The following FKBP5 variants were observed in gnomAD, a reference collection of about 807,000 sequenced individuals.
FKBP5 encodes the protein peptidyl-prolyl cis-trans isomerase FKBP5.
Under a neutral mutation model 50.5 loss-of-function variants are expected in FKBP5, and 23 were observed. The ratio of observed to expected loss-of-function variants is 0.46; its 90% CI spans 0.33 to 0.65. The LOEUF (loss-of-function observed/expected upper bound fraction) is 0.65, where lower values mean the gene tolerates loss of function less well. Ranked by LOEUF, FKBP5 falls within the 30% of genes least tolerant of loss-of-function variation. The pLI is 0.02. For synonymous variants in FKBP5, 176 were observed against 190.6 expected (o/e 0.92, Z 0.63); for missense variants, 411 against 553.1 (o/e 0.74, Z 2.58).
chr6:35,681,158 T>A (rs1765652120), intron 1 of FKBP5, among the ~76,000 whole-genome samples: 1 of 152,226 alleles, frequency 6.6e-6, no homozygotes, highest in African/African-American at 2.4e-5. Flanking sequence ...ACACTTTTTT[T>A]AGCTTTCTTT....
At chr6:35,613,805 A>T (rs922858852) in intron 5 of FKBP5, among the ~76,000 whole-genome samples, 1 of 152,212 alleles carries the variant, frequency 6.6e-6, no homozygotes, top group African/African-American at 2.4e-5. Context: ...GAAAAAGTAA[A>T]ATCAACCATT....
intron 5 of FKBP5, among the ~76,000 whole-genome samples, chr6:35,614,095 T>C (rs753297167): frequency 1.1e-4 from 16 of 152,172 alleles, no homozygotes; most frequent in Non-Finnish European, 1.8e-4. Flanking sequence ...AAGGTCTCTA[T>C]GTTGCTCAGG....
intron 5 of FKBP5, among the ~76,000 whole-genome samples, chr6:35,616,314 C>CAAAA (rs34779549): frequency 1.4e-4 from 8 of 57,454 alleles, no homozygotes; most frequent in South Asian, 8.8e-4. Context: ...GACTCCATCT[C>CAAAA]AAAAAAAAAA....
chr6:35,580,859 A>G, intron 8 of FKBP5: 2 of 985,276 alleles, frequency 2.0e-6, no homozygotes, highest in Non-Finnish European at 2.4e-6. Context: ...AGTCTTTCAA[A>G]AGGATTGTGA....
intron 1 of FKBP5, chr6:35,651,845 T>C: frequency 1.2e-6 from 1 of 867,140 alleles, no homozygotes; most frequent in Non-Finnish European, 1.6e-6. Flanking sequence ...TTGTTTAACT[T>C]GTGGACAAAG....
chr6:35,588,736 G>A (rs1013964415), intron 7 of FKBP5, among the ~76,000 whole-genome samples: 5 of 151,474 alleles, frequency 3.3e-5, no homozygotes, highest in African/African-American at 1.2e-4. Context: ...GAGTAGTTGG[G>A]ACCACAAGCA....
intron 1 of FKBP5, among the ~76,000 whole-genome samples, chr6:35,720,863 G>A (rs1027661685): frequency 6.6e-6 from 1 of 152,134 alleles, no homozygotes; most frequent in Non-Finnish European, 1.5e-5. Context: ...TGATGTGGAT[G>A]ATCTCATTTA....
chr6:35,619,085 T>C lies in FKBP5; in HGVS notation c.508+11A>G. The C allele has an allele frequency of 6.3e-7, 1 of 1,586,914 alleles. No individual in the cohort carries two copies. The highest frequency in any genetic ancestry group is 8.7e-7 in the Non-Finnish European group (1 of 1,155,998). ...TTTTAAGGACTAGTTCCCTCTTACT[T>C]TAATACTTACTTTCTACTGTTGCTC... On this transcript the variant is annotated intron_variant, in intron 5 of 10. Coordinates refer to ENST00000357266, the MANE Select transcript of FKBP5 (RefSeq NM_004117.4).
At chr6:35,588,395 A>T (rs1762680918) in intron 7 of FKBP5, among the ~76,000 whole-genome samples, 1 of 152,098 alleles carries the variant, frequency 6.6e-6, no homozygotes. Flanking sequence ...CTTCCTAATA[A>T]TGTAGCTCAA....
chr6:35,619,355 G>C, intron 4 of FKBP5, 145 bp from the exon 5 acceptor site: 1 of 457,724 alleles, frequency 2.2e-6, no homozygotes. Context: ...TTAATTATTG[G>C]AAAAGTAGCA....
At chr6:35,626,901 C>T (rs1764015626) in intron 3 of FKBP5, among the ~76,000 whole-genome samples, 1 of 152,170 alleles carries the variant, frequency 6.6e-6, no homozygotes, top group African/African-American at 2.4e-5. Flanking sequence ...GAGTTGCTTC[C>T]ACCTTTTGGT....
chr6:35,641,184 T>C (rs1489485910), intron 2 of FKBP5, among the ~76,000 whole-genome samples: 4 of 152,112 alleles, frequency 2.6e-5, no homozygotes, highest in Non-Finnish European at 5.9e-5. Flanking sequence ...GGTCTTACTA[T>C]GTTGCCCAGG....
At position 35,707,215 on chromosome 6, in the gene FKBP5, C is replaced by CTTTTTT. The variant is rs34841223; in HGVS notation, c.-20+13107_-20+13112dup. 1.1e-4 allele frequency among the ~76,000 whole-genome samples: 13 copies of CTTTTTT among 116,880 alleles called. 1 individual carries two copies. The highest frequency in any genetic ancestry group is 1.3e-4 in the Non-Finnish European group (8 of 60,182). 76.7% of individuals were successfully genotyped at this position (116,880 alleles called of 152,430 possible). A position where few individuals can be genotyped will look rare whatever the true frequency, so the allele number is the denominator to read the frequency against. On this transcript the variant is annotated intron_variant, in intron 2 of 11. Coordinates refer to the FKBP5 transcript ENST00000536438. ...CAGATCACTGGTAAGTATGAGAAGA[C>CTTTTTT]TTTTTTTTTTTTTTTTTTGAGATGG...
intron 2 of FKBP5, among the ~76,000 whole-genome samples, chr6:35,641,495 G>GCAC (rs1764488630): frequency 6.6e-6 from 1 of 152,090 alleles, no homozygotes; most frequent in South Asian, 2.1e-4. Flanking sequence ...AACAGCTATG[G>GCAC]CACCACTAGG....
At chr6:35,609,303 T>C (rs905346671) in intron 5 of FKBP5, among the ~76,000 whole-genome samples, 1 of 152,226 alleles carries the variant, frequency 6.6e-6, no homozygotes, top group African/African-American at 2.4e-5. Context: ...AAAAAGTTAA[T>C]TTTGTTCTCA....
At chr6:35,597,617 G>A (rs527616977) in intron 5 of FKBP5, among the ~76,000 whole-genome samples, 8 of 152,280 alleles carry the variant, frequency 5.3e-5, no homozygotes, top group Admixed American at 4.6e-4. Flanking sequence ...TGTAATTACT[G>A]ATATTTGTAT....
chr6:35,595,020 G>C (rs939058350), intron 6 of FKBP5, among the ~76,000 whole-genome samples: 1 of 152,130 alleles, frequency 6.6e-6, no homozygotes. Flanking sequence ...CACACACTGC[G>C]GGCTCATGTG....
At position 35,580,157 on chromosome 6, in the gene FKBP5, T is replaced by C. The variant is rs1217149347; in HGVS notation, c.905A>G (p.Tyr302Cys). The C allele has an allele frequency of 5.9e-5, 96 of 1,613,980 alleles. No individual in the cohort carries two copies. The highest frequency in any genetic ancestry group is 7.9e-5 in the Non-Finnish European group (93 of 1,179,922). Reference protein sequence around the residue: ...GKIVSWLEMEYGLSEKESKAS... With the variant: ...GKIVSWLEMECGLSEKESKAS... ...TTTCGATTCCTTTTCTGATAAACCATATTCCATCTCTAACCAGGACACTAT... is the reference window on the plus strand; with the variant it reads ...TTTCGATTCCTTTTCTGATAAACCACATTCCATCTCTAACCAGGACACTAT... Residue 302 changes from tyrosine (Y) to cysteine (C), a missense_variant, in exon 9 of 11, where the codon TAT becomes TGT. Physicochemically the swap from Tyr to Cys is radical, Grantham distance 194. This residue lies in a region of FKBP5 where 267 missense variants were observed against 405.9 expected (regional missense o/e 0.66). Coordinates refer to ENST00000357266, the MANE Select transcript of FKBP5 (RefSeq NM_004117.4).
chr6:35,637,276 C>T (rs1216359830), intron 2 of FKBP5, 118 bp from the exon 3 acceptor site: 1 of 843,112 alleles, frequency 1.2e-6, no homozygotes, highest in Non-Finnish European at 1.8e-6. Flanking sequence ...ATACTATTAT[C>T]CATTCTTTCT....
Sources: allele counts gnomAD v4.1 joint callset (sites outside exome capture counted in the v4.1 genomes callset), GRCh38; gene constraint gnomAD v4.1.1; regional missense constraint gnomAD v4.1.1; transcripts MANE v1.5; gene names NCBI Gene and HGNC (gene_info 2026-07-23, HGNC 2026-07-21).